The following CELF2 variants were observed in gnomAD, a reference collection of about 807,000 sequenced individuals.
The protein encoded by CELF2 is CUG triplet repeat RNA-binding protein 2.
In CELF2, 8 loss-of-function variants were observed where a neutral mutation model predicts 62.6. That is an observed-to-expected ratio of 0.13 (90% CI 0.07 to 0.23). The LOEUF is 0.23. CELF2 is among the 10% of genes least tolerant of loss of function. The pLI is 1.00. For missense variants in CELF2, 333 were observed against 671.0 expected, an observed-to-expected ratio of 0.50 and a Z score of 5.56; for synonymous variants, 258 against 250.0, an observed-to-expected ratio of 1.03 and a Z score of -0.30.
the CELF2 span, among the ~76,000 whole-genome samples, chr10:10,476,041 C>G: frequency 6.6e-6 from 1 of 151,968 alleles, no homozygotes; most frequent in Non-Finnish European, 1.5e-5. Context: ...TTTTTGTTCT[C>G]TTGAATACAC....
At chr10:10,932,764 G>C (rs553648262) in intron 2 of CELF2, among the ~76,000 whole-genome samples, 2 of 152,136 alleles carry the variant, frequency 1.3e-5, no homozygotes, top group Middle Eastern at 3.4e-3. Context: ...GCAGAGAAGA[G>C]AGAACATTTT....
At position 11,246,915 on chromosome 10, in the gene CELF2, C is replaced by G. The variant is rs1448344866; in HGVS notation, c.355-2238C>G. On this transcript the variant is annotated intron_variant, in intron 3 of 12. Transcript: ENST00000633077. This position sits in a 1 kb window ranked among gnomAD's most constrained non-coding sequence, Gnocchi z 4.6. ...CACATCAACCTTAGCATGTCCAGAC[C>G]TGCGCTCGTCAGCCGCCTCTGAAAC... 6.6e-6 allele frequency among the ~76,000 whole-genome samples: 1 copy of G among 152,216 alleles called. No homozygotes were observed. Among genetic ancestry groups the G allele is most frequent in the African/African-American group, 2.4e-5 (1 of 41,456 alleles).
the CELF2 span, among the ~76,000 whole-genome samples, chr10:10,609,714 T>C: frequency 6.6e-6 from 1 of 152,210 alleles, no homozygotes; most frequent in South Asian, 2.1e-4. Context: ...GATGTAGGAG[T>C]TGAGAACTCT....
At chr10:10,877,161 T>A (rs576630651) in intron 1 of CELF2, among the ~76,000 whole-genome samples, 12 of 152,342 alleles carry the variant, frequency 7.9e-5, no homozygotes, top group Admixed American at 5.9e-4. Flanking sequence ...TCAACTTTCC[T>A]TCAACTTAAT....
rs2094581284 is a variant in CELF2, at chr10:11,311,939, T to C, written c.977-2200T>C. On this transcript the variant is annotated intron_variant, in intron 9 of 12. Coordinates refer to ENST00000633077, the MANE Select transcript of CELF2 (RefSeq NM_001326342.2). This position sits in a 1 kb window ranked among gnomAD's most constrained non-coding sequence, Gnocchi z 4.7. Reference sequence around the variant, plus strand: ...TAAAAGGTAGAAACAAAAATCCACATATTCAGGGATCCAGATGAATTCCAA... The same window carrying C: ...TAAAAGGTAGAAACAAAAATCCACACATTCAGGGATCCAGATGAATTCCAA... Among the ~76,000 whole-genome samples the C allele has an allele frequency of 6.6e-6, 1 of 152,188 alleles. No homozygotes were observed. Among genetic ancestry groups the C allele is most frequent in the Non-Finnish European group, 1.5e-5 (1 of 68,028 alleles).
At chr10:10,741,267 C>A in the CELF2 span, among the ~76,000 whole-genome samples, 1 of 151,996 alleles carries the variant, frequency 6.6e-6, no homozygotes, top group South Asian at 2.1e-4. Flanking sequence ...CATCCCAGCA[C>A]TTTGGAAGGC....
intron 1 of CELF2, among the ~76,000 whole-genome samples, chr10:10,843,102 T>C (rs2058790025): frequency 6.6e-6 from 1 of 152,034 alleles, no homozygotes; most frequent in Non-Finnish European, 1.5e-5. Context: ...TATTTCTTTA[T>C]TATCCCTTCA....
intron 2 of CELF2, chr10:10,922,960 C>G (rs1053768701): frequency 6.6e-6 from 1 of 152,158 alleles, no homozygotes; most frequent in African/African-American, 2.4e-5. Flanking sequence ...GATGAATCCT[C>G]CCCTTGTGTC....
chr10:10,616,454 T>C, the CELF2 span, among the ~76,000 whole-genome samples: 3 of 151,984 alleles, frequency 2.0e-5, no homozygotes, highest in South Asian at 6.2e-4. Flanking sequence ...CAAGGGGTTA[T>C]ATGAAGGTTG....
At chr10:10,888,531 A>G (rs2061918093) in intron 1 of CELF2, among the ~76,000 whole-genome samples, 2 of 152,264 alleles carry the variant, frequency 1.3e-5, no homozygotes, top group South Asian at 2.1e-4. Context: ...TTCGTTTTAC[A>G]TAAAAGATTT....
the CELF2 span, among the ~76,000 whole-genome samples, chr10:10,498,415 A>G: frequency 1.3e-5 from 2 of 152,244 alleles, no homozygotes; most frequent in Non-Finnish European, 2.9e-5. Flanking sequence ...AAGTTGGCCA[A>G]GTCTCTTGGG....
At position 11,311,452 on chromosome 10, in the gene CELF2, C is replaced by T. The variant is rs923565113; in HGVS notation, c.977-2687C>T. Reference sequence around the variant, plus strand: ...TTAAGCTCACAACCAAAAAAAACCCCACAAAATATACAAGTAAACCAAGCA... The same window carrying T: ...TTAAGCTCACAACCAAAAAAAACCCTACAAAATATACAAGTAAACCAAGCA... On this transcript the variant is annotated intron_variant, in intron 9 of 12. Coordinates refer to ENST00000633077, the MANE Select transcript of CELF2 (RefSeq NM_001326342.2). The surrounding 1 kb of genome is among the most constrained non-coding windows in gnomAD (Gnocchi z 4.7). Among the ~76,000 whole-genome samples, 11 of 152,010 alleles carry T rather than the reference C, an allele frequency of 7.2e-5. No homozygotes were observed. The highest frequency in any genetic ancestry group is 2.4e-4 in the African/African-American group (10 of 41,380).
At chr10:10,817,146 A>G (rs987185165) in intron 1 of CELF2, among the ~76,000 whole-genome samples, 1 of 152,166 alleles carries the variant, frequency 6.6e-6, no homozygotes, top group Non-Finnish European at 1.5e-5. Context: ...GAATAGACAC[A>G]TCTGTCTGTG....
intron 1 of CELF2, among the ~76,000 whole-genome samples, chr10:11,126,588 T>A (rs1230857265): frequency 6.6e-6 from 1 of 152,228 alleles, no homozygotes; most frequent in Non-Finnish European, 1.5e-5. Flanking sequence ...TTCCCGTGGT[T>A]CACTCTGGCT....
At chr10:11,303,959 C>T (rs2093991766) in intron 9 of CELF2, among the ~76,000 whole-genome samples, 1 of 152,224 alleles carries the variant, frequency 6.6e-6, no homozygotes, top group African/African-American at 2.4e-5. Context: ...ATGAGCAGCA[C>T]GTGGCAAGCA....
chr10:10,906,717 C>CTTTTTTTTTTTTTT (rs397846553), intron 1 of CELF2, among the ~76,000 whole-genome samples: 11 of 109,280 alleles, frequency 1.0e-4, no homozygotes, highest in Admixed American at 3.8e-4. Flanking sequence ...TTTTTCTTTT[C>CTTTTTTTTTTTTTT]TTTTTTTTTT....
chr10:10,752,095 G>A, the CELF2 span, among the ~76,000 whole-genome samples: 1 of 152,228 alleles, frequency 6.6e-6, no homozygotes, highest in Non-Finnish European at 1.5e-5. Flanking sequence ...AGAGGTCACA[G>A]ACGAAGGTTG....
chr10:10,697,063 G>A, the CELF2 span, among the ~76,000 whole-genome samples: 1 of 152,098 alleles, frequency 6.6e-6, no homozygotes, highest in Admixed American at 6.5e-5. Flanking sequence ...CAAGATGTTT[G>A]GTAATAACAT....
chr10:10,981,985 C>T (rs982257443), intron 2 of CELF2, among the ~76,000 whole-genome samples: 2 of 136,952 alleles, frequency 1.5e-5, no homozygotes, highest in African/African-American at 5.5e-5. Flanking sequence ...GATGGAGTCT[C>T]ACTCTTGTGG....
Sources: gnomAD v4.1 joint callset for allele counts (sites outside exome capture counted in the v4.1 genomes callset) on GRCh38, gnomAD v4.1.1 for gene constraint, Gnocchi (gnomAD v3.1) non-coding constraint, MANE v1.5 for transcripts, NCBI Gene and HGNC (gene_info 2026-07-23, HGNC 2026-07-21) for gene names.